The following GALNT13 variants were observed in gnomAD, a reference collection of about 807,000 sequenced individuals.
GALNT13 encodes the protein UDP-GalNAc:polypeptide N-acetylgalactosaminyltransferase 13.
GALNT13 carries 28 observed loss-of-function variants against 64.2 expected under a neutral mutation model. The observed-to-expected ratio is 0.44, with a 90% CI of 0.32 to 0.60. The LOEUF is 0.60. Among genes scored for constraint, GALNT13 ranks in the 20% least tolerant of loss-of-function variants. The pLI, the probability that GALNT13 is intolerant of heterozygous loss-of-function variation, is 0.05. For missense variants in GALNT13, 577 were observed against 669.8 expected, an observed-to-expected ratio of 0.86 and a Z score of 1.53; for synonymous variants, 214 against 224.6, an observed-to-expected ratio of 0.95 and a Z score of 0.42.
At chr2:154,128,238 T>C (rs559469920) in intron 3 of GALNT13, among the ~76,000 whole-genome samples, 12 of 152,236 alleles carry the variant, frequency 7.9e-5, no homozygotes, top group Admixed American at 4.6e-4. Flanking sequence ...TTCTTTGGCA[T>C]ACTCAGTAAA....
At chr2:153,126,050 C>T in the GALNT13 span, among the ~76,000 whole-genome samples, 1 of 151,964 alleles carries the variant, frequency 6.6e-6, no homozygotes, top group East Asian at 1.9e-4. Context: ...CATCAAAAGA[C>T]CTATAAATGC....
intron 10 of GALNT13, among the ~76,000 whole-genome samples, chr2:154,405,402 C>T (rs1699484732): frequency 6.6e-6 from 1 of 151,442 alleles, no homozygotes; most frequent in African/African-American, 2.4e-5. Context: ...GCAACAAGAC[C>T]AAAAATATTA....
At chr2:153,637,793 C>T in the GALNT13 span, among the ~76,000 whole-genome samples, 1 of 152,160 alleles carries the variant, frequency 6.6e-6, no homozygotes, top group South Asian at 2.1e-4. Context: ...TAGGTGCCAA[C>T]TGACATGATA....
the GALNT13 span, among the ~76,000 whole-genome samples, chr2:153,547,596 A>T: frequency 6.6e-6 from 1 of 152,230 alleles, no homozygotes; most frequent in African/African-American, 2.4e-5. Flanking sequence ...GATAGTGAGG[A>T]TATACCAGTG....
At chr2:154,109,316 T>A (rs1352396950) in intron 3 of GALNT13, among the ~76,000 whole-genome samples, 1 of 152,142 alleles carries the variant, frequency 6.6e-6, no homozygotes. Context: ...TGCTACTGAT[T>A]TTTGCCTGTT....
chr2:153,197,409 A>G, the GALNT13 span, among the ~76,000 whole-genome samples: 1 of 152,252 alleles, frequency 6.6e-6, no homozygotes, highest in African/African-American at 2.4e-5. Flanking sequence ...AGCTCCAGGC[A>G]TCCAGAAGAT....
At chr2:153,711,347 GCTC>G in the GALNT13 span, among the ~76,000 whole-genome samples, 17 of 152,228 alleles carry the variant, frequency 1.1e-4, no homozygotes, top group Non-Finnish European at 2.4e-4. Flanking sequence ...ACTTGAAATA[GCTC>G]AAGCTATAGG....
At chr2:154,347,123 A>G (rs1696111884) in intron 9 of GALNT13, among the ~76,000 whole-genome samples, 1 of 152,138 alleles carries the variant, frequency 6.6e-6, no homozygotes. Context: ...AGCAATAATG[A>G]TTGTTAAAAT....
intron 3 of GALNT13, among the ~76,000 whole-genome samples, chr2:154,053,432 T>C (rs1413202248): frequency 6.6e-6 from 1 of 152,116 alleles, no homozygotes; most frequent in Non-Finnish European, 1.5e-5. Context: ...TTAAAAATCA[T>C]AAATTTATTG....
At chr2:153,341,309 C>CA in the GALNT13 span, among the ~76,000 whole-genome samples, 1 of 152,168 alleles carries the variant, frequency 6.6e-6, no homozygotes, top group African/African-American at 2.4e-5. Context: ...GTCTAGCTAA[C>CA]AGCCCTTCAC....
intron 11 of GALNT13, among the ~76,000 whole-genome samples, chr2:154,410,387 A>G (rs1462505364): frequency 6.6e-6 from 1 of 151,944 alleles, no homozygotes; most frequent in Non-Finnish European, 1.5e-5. Flanking sequence ...CAAAAACTTT[A>G]TGTCTTTCCA....
the GALNT13 span, among the ~76,000 whole-genome samples, chr2:153,655,245 T>C: frequency 6.6e-6 from 1 of 152,122 alleles, no homozygotes; most frequent in Non-Finnish European, 1.5e-5. Flanking sequence ...ACTTGAGATA[T>C]TAAACATTTT....
the GALNT13 span, among the ~76,000 whole-genome samples, chr2:153,726,972 A>C: frequency 6.6e-6 from 1 of 151,032 alleles, no homozygotes; most frequent in South Asian, 2.1e-4. Context: ...AAAAAACCAC[A>C]CATATTAGGT....
intron 2 of GALNT13, among the ~76,000 whole-genome samples, chr2:153,929,130 C>T (rs891971772): frequency 8.5e-5 from 13 of 152,124 alleles, no homozygotes; most frequent in African/African-American, 3.1e-4. Context: ...AGACAAAAGG[C>T]AGGAATTGTG....
At chr2:153,324,740 C>T in the GALNT13 span, among the ~76,000 whole-genome samples, 1 of 152,112 alleles carries the variant, frequency 6.6e-6, no homozygotes, top group Non-Finnish European at 1.5e-5. Context: ...TTGAGATAAT[C>T]ATGTGGTTTT....
At chr2:153,771,235 G>T in the GALNT13 span, among the ~76,000 whole-genome samples, 1 of 152,202 alleles carries the variant, frequency 6.6e-6, no homozygotes, top group Non-Finnish European at 1.5e-5. Flanking sequence ...TGTGTCTCAA[G>T]GTGGGTGATA....
At chr2:153,843,376 A>G in the GALNT13 span, among the ~76,000 whole-genome samples, 2 of 152,216 alleles carry the variant, frequency 1.3e-5, no homozygotes, top group Non-Finnish European at 2.9e-5. Context: ...ACTCAGGGTG[A>G]GAGTTCACTT....
the GALNT13 span, among the ~76,000 whole-genome samples, chr2:153,607,375 C>G: frequency 6.6e-6 from 1 of 151,984 alleles, no homozygotes; most frequent in African/African-American, 2.4e-5. Flanking sequence ...ACTAAGCTGT[C>G]CACCATCATG....
At chr2:153,955,799 G>A (rs1692524860) in intron 3 of GALNT13, among the ~76,000 whole-genome samples, 1 of 152,166 alleles carries the variant, frequency 6.6e-6, no homozygotes, top group Admixed American at 6.5e-5. Context: ...CTGGCAAGGA[G>A]TGCTTGCCAA....
Sources: gnomAD v4.1 joint callset for allele counts (sites outside exome capture counted in the v4.1 genomes callset) on GRCh38, gnomAD v4.1.1 for gene constraint, MANE v1.5 for transcripts, NCBI Gene and HGNC (gene_info 2026-07-23, HGNC 2026-07-21) for gene names.